Variants in MTHFD1 observed in about 807,000 individuals in gnomAD.
The protein encoded by MTHFD1 is C-1-tetrahydrofolate synthase, cytoplasmic.
Under a neutral mutation model 110.3 loss-of-function variants are expected in MTHFD1, and 44 were observed. The observed-to-expected ratio is 0.40, with a 90% CI of 0.31 to 0.51. The LOEUF is 0.51. Among genes scored for constraint, MTHFD1 ranks in the 20% least tolerant of loss-of-function variants. The pLI is 0.60. For synonymous variants in MTHFD1, 402 were observed against 428.8 expected (o/e 0.94, Z 0.77); for missense variants, 909 against 1,173.1 (o/e 0.77, Z 3.29).
Position 64,415,705 on chromosome 14 carries a change from G to A in MTHFD1, c.444G>A (p.Thr148=), listed in dbSNP as rs780306235. 3.5e-5 allele frequency: 57 copies of A among 1,613,782 alleles called. No individual in the cohort carries two copies. In the South Asian group the frequency reaches 3.7e-4, roughly 11 times the overall value. ...GDLNDCFIPC[T]PKGCLELIKE... ...TCAATGACTGTTTCATTCCTTGTAC[G>A]CCTAAGGGATGCTTGGAACTCATCA... The change falls in exon 6 of 28, where the codon ACG becomes ACA. Residue 148 remains threonine, a synonymous_variant. Coordinates refer to ENST00000652337, the MANE Select transcript of MTHFD1 (RefSeq NM_005956.4).
In MTHFD1 at chr14:64,424,820, T is replaced by C; in HGVS notation, c.744T>C (p.Asn248=). The C allele has an allele frequency of 6.2e-7, 1 of 1,614,076 alleles. No homozygotes were observed. The highest frequency in any genetic ancestry group is 1.1e-5 in the South Asian group (1 of 91,046). ...INYVPDDKKP[N]GRKVVGDVAY... is the part of the protein sequence containing the mutation. ...CTTGACCAGATGATAAAAAACCAAA[T>C]GGGAGAAAAGTTGTGGGTGATGTGG... Residue 248 remains asparagine, a synonymous_variant, in exon 9 of 28, where the codon AAT becomes AAC. Coordinates refer to ENST00000652337, the MANE Select transcript of MTHFD1 (RefSeq NM_005956.4).
Position 64,419,888 on chromosome 14 carries a change from G to C in MTHFD1, c.690G>C (p.Gly230=). 2 of 1,614,124 alleles carry C rather than the reference G, an allele frequency of 1.2e-6. No individual in the cohort carries two copies. Among genetic ancestry groups the C allele is most frequent in the Non-Finnish European group, 1.7e-6 (2 of 1,179,996 alleles). ...EMVKGEWIKP[G]AIVIDCGINY... ...TTAAAGGGGAGTGGATCAAACCTGG[G>C]GCAATAGTCATCGACTGTGGAATCA... Residue 230 remains glycine (G), a synonymous_variant, in exon 8 of 28, where the codon GGG becomes GGC. Transcript: ENST00000652337.
intron 15 of MTHFD1, among the ~76,000 whole-genome samples, chr14:64,432,270 G>C (rs1276425948): frequency 6.6e-6 from 1 of 152,162 alleles, no homozygotes; most frequent in Non-Finnish European, 1.5e-5. Flanking sequence ...GAATAGATAA[G>C]GGTCTGTGTT....
intron 16 of MTHFD1, 141 bp downstream of exon 16, chr14:64,435,812 T>A (rs1387967114): frequency 1.4e-6 from 1 of 696,274 alleles, no homozygotes; most frequent in Non-Finnish European, 2.7e-6. Flanking sequence ...ATGGTGACAT[T>A]ATTTCTTTTT....
At chr14:64,423,762 T>C (rs1383788659) in intron 8 of MTHFD1, among the ~76,000 whole-genome samples, 1 of 151,018 alleles carries the variant, frequency 6.6e-6, no homozygotes, top group East Asian at 1.9e-4. Flanking sequence ...AGTCTCGCTC[T>C]GTTGCCCAGG....
Position 64,417,541 on chromosome 14 carries a change from T to G in MTHFD1, c.479-347T>G, listed in dbSNP as rs1321752311. Among the ~76,000 whole-genome samples the G allele has an allele frequency of 6.6e-6, 1 of 152,214 alleles. No individual in the cohort carries two copies. Among genetic ancestry groups the G allele is most frequent in the African/African-American group, 2.4e-5 (1 of 41,448 alleles). On this transcript the variant is annotated intron_variant, in intron 6 of 27. Transcript: ENST00000652337. The surrounding 1 kb of genome is among the most constrained non-coding windows in gnomAD (Gnocchi z 4.4). ...TATTTGTTTTAACTTTTTTTCCCCATGTAATTTAATCTGATGTCTTCTTCC... is the reference window on the plus strand; with the variant it reads ...TATTTGTTTTAACTTTTTTTCCCCAGGTAATTTAATCTGATGTCTTCTTCC...
intron 9 of MTHFD1, among the ~76,000 whole-genome samples, chr14:64,425,155 A>T (rs1445331162): frequency 6.6e-6 from 1 of 152,144 alleles, no homozygotes; most frequent in Non-Finnish European, 1.5e-5. Context: ...CTTTGAAAGA[A>T]GAAAAGTGCG....
chr14:64,392,585 G>T (rs1291212589), intron 1 of MTHFD1, among the ~76,000 whole-genome samples: 2 of 152,150 alleles, frequency 1.3e-5, no homozygotes, highest in Non-Finnish European at 2.9e-5. Context: ...CAAGTGCAGG[G>T]CAAGTTGGGT....
Position 64,429,155 on chromosome 14 carries a change from C to T in MTHFD1, c.1265-1029C>T, listed in dbSNP as rs185828951. 2.1e-4 allele frequency among the ~76,000 whole-genome samples: 31 copies of T among 149,702 alleles called. No homozygotes were observed. In the East Asian group the frequency reaches 4.7e-3, roughly 23 times the overall value. The stretch of plus-strand genomic sequence containing the variant: ...CCAGCCAGGCCAACATGGCAAACCC[C>T]GTCTCTATTAAAAACACAAAAATTA... On this transcript the variant is annotated intron_variant, in intron 12 of 27. Transcript: ENST00000652337.
In MTHFD1 at chr14:64,388,436, A is replaced by T. The variant is rs1244149594; in HGVS notation, c.9A>T (p.Pro3=). 9.9e-6 allele frequency: 16 copies of T among 1,614,196 alleles called. No homozygotes were observed. The highest frequency in any genetic ancestry group is 1.4e-5 in the Non-Finnish European group (16 of 1,180,052). The part of the protein sequence containing the change: MA[P]AEILNGKEIS... ...GCGGACTAATAAAGGCCATGGCGCCAGCAGAAATCCTGAACGGGAAGGAGA... is the reference window on the plus strand; with the variant it reads ...GCGGACTAATAAAGGCCATGGCGCCTGCAGAAATCCTGAACGGGAAGGAGA... The change falls in exon 1 of 28, where the codon CCA becomes CCT. Residue 3 remains proline (P), a synonymous_variant. Coordinates refer to ENST00000652337, the MANE Select transcript of MTHFD1 (RefSeq NM_005956.4).
chr14:64,423,325 C>T (rs1264437472), intron 8 of MTHFD1, among the ~76,000 whole-genome samples: 1 of 152,084 alleles, frequency 6.6e-6, no homozygotes, highest in East Asian at 1.9e-4. Flanking sequence ...TCATTTTGCC[C>T]TCAGCAAATT....
chr14:64,424,697 G>A, intron 8 of MTHFD1, 107 bp from the exon 9 acceptor site: 1 of 1,235,666 alleles, frequency 8.1e-7, no homozygotes, highest in Non-Finnish European at 1.2e-6. Flanking sequence ...AGGCACTGGA[G>A]CCTGATGGGA....
intron 1 of MTHFD1, among the ~76,000 whole-genome samples, chr14:64,391,867 A>G (rs1420224315): frequency 6.6e-6 from 1 of 152,206 alleles, no homozygotes. Context: ...CAAAGCTCTG[A>G]GAGTCTAATA....
intron 21 of MTHFD1, 87 bp from the exon 22 acceptor site, chr14:64,444,606 G>A (rs1003095250): frequency 1.5e-5 from 22 of 1,432,476 alleles, no homozygotes; most frequent in Middle Eastern, 1.7e-4. Context: ...GCATTGCAGC[G>A]TCTTGCCTTT....
At chr14:64,423,953 T>A (rs2078097510) in intron 8 of MTHFD1, among the ~76,000 whole-genome samples, 1 of 151,028 alleles carries the variant, frequency 6.6e-6, no homozygotes, top group Non-Finnish European at 1.5e-5. Context: ...GGTCTTGATC[T>A]CCTGATCTGG....
At chr14:64,404,919 T>C (rs1448323936) in intron 2 of MTHFD1, among the ~76,000 whole-genome samples, 1 of 151,928 alleles carries the variant, frequency 6.6e-6, no homozygotes, top group Non-Finnish European at 1.5e-5. Context: ...TGCAGTGAGC[T>C]GAGATTGTGC....
At chr14:64,410,624 C>T (rs1473028025) in intron 2 of MTHFD1, among the ~76,000 whole-genome samples, 1 of 152,170 alleles carries the variant, frequency 6.6e-6, no homozygotes, top group African/African-American at 2.4e-5. Flanking sequence ...TTTCTATTGT[C>T]TGTGTGGCGG....
At position 64,453,761 on chromosome 14, in the gene MTHFD1, T is replaced by G. The variant is rs1192746425; in HGVS notation, c.2465T>G (p.Val822Gly). ...FQLLYDLKLP[V>G]EDKIRIIAQK... is the part of the protein sequence containing the mutation. ...CTCTTTCTTGTGCATTAGCTCCCAG[T>G]TGAGGATAAAATCAGGATCATTGCA... The change falls in exon 25 of 28, where the codon GTT becomes GGT. Residue 822 changes from valine to glycine, a missense_variant. Transcript: ENST00000652337. 2 of 1,603,804 alleles carry G rather than the reference T, an allele frequency of 1.2e-6. No homozygotes were observed. The highest frequency in any genetic ancestry group is 1.7e-6 in the Non-Finnish European group (2 of 1,171,050).
At chr14:64,457,949 C>G (rs1294063225) in intron 26 of MTHFD1, 6 of 559,376 alleles carry the variant, frequency 1.1e-5, no homozygotes, top group African/African-American at 3.8e-5. Flanking sequence ...CCCAGGCAAT[C>G]GGATGATCAT....
Sources: allele counts gnomAD v4.1 joint callset (sites outside exome capture counted in the v4.1 genomes callset), GRCh38; gene constraint gnomAD v4.1.1; non-coding constraint Gnocchi (gnomAD v3.1); transcripts MANE v1.5; gene names NCBI Gene and HGNC (gene_info 2026-07-23, HGNC 2026-07-21).